The following KCNT2 variants were observed in gnomAD, a reference collection of about 807,000 sequenced individuals.
The protein encoded by KCNT2 is potassium channel subfamily T member 2.
Under a neutral mutation model 153.8 loss-of-function variants are expected in KCNT2, and 67 were observed. That is an observed-to-expected ratio of 0.44 (90% CI 0.36 to 0.53). The LOEUF is 0.53. Among genes scored for constraint, KCNT2 ranks in the 20% least tolerant of loss-of-function variants. The pLI is 0.00. For missense variants in KCNT2, 975 were observed against 1,354.8 expected, an observed-to-expected ratio of 0.72 and a Z score of 4.40; for synonymous variants, 500 against 458.8, an observed-to-expected ratio of 1.09 and a Z score of -1.15.
chr1:196,435,135 G>GTGTATATATATATA (rs747899287), intron 8 of KCNT2, among the ~76,000 whole-genome samples: 2 of 76,864 alleles, frequency 2.6e-5, no homozygotes, highest in Non-Finnish European at 5.2e-5. Context: ...GTGTGTGTGT[G>GTGTATATATATATA]TATGTATATA....
chr1:196,380,839 A>G lies in KCNT2; in HGVS notation c.1295-7591T>C, dbSNP rs529441974. On this transcript the variant is annotated intron_variant, in intron 13 of 27. Coordinates refer to ENST00000294725, the MANE Select transcript of KCNT2 (RefSeq NM_198503.5). ...ATATGAGAATAGATAATGTCTTGCA[A>G]TCAAGTGAGTTTTATTTTGATCCTG... 1.3e-3 allele frequency among the ~76,000 whole-genome samples: 203 copies of G among 152,330 alleles called. 1 individual carries two copies. The highest frequency in any genetic ancestry group is 4.5e-3 in the African/African-American group (188 of 41,582).
At chr1:196,554,044 T>A (rs1658313876) in intron 1 of KCNT2, among the ~76,000 whole-genome samples, 1 of 150,990 alleles carries the variant, frequency 6.6e-6, no homozygotes, top group Non-Finnish European at 1.5e-5. Context: ...TATTTATAAA[T>A]GCAATGAATG....
chr1:196,259,515 C>T (rs192137523), intron 25 of KCNT2: 7 of 152,154 alleles, frequency 4.6e-5, no homozygotes, highest in African/African-American at 1.4e-4. Context: ...TTCCCTTCTA[C>T]GGATGGAATC....
chr1:196,493,712 T>C (rs1680034208), intron 1 of KCNT2, among the ~76,000 whole-genome samples: 1 of 152,194 alleles, frequency 6.6e-6, no homozygotes, highest in African/African-American at 2.4e-5. Context: ...CCAGGCCCCA[T>C]TGTGTGATGT....
chr1:196,259,974 G>A (rs918651208), intron 25 of KCNT2, among the ~76,000 whole-genome samples: 3 of 151,714 alleles, frequency 2.0e-5, no homozygotes, highest in African/African-American at 7.3e-5. Context: ...TTCTGTGGAA[G>A]TAAAACACAT....
intron 26 of KCNT2, among the ~76,000 whole-genome samples, chr1:196,246,560 T>C (rs901372722): frequency 1.3e-5 from 2 of 152,090 alleles, no homozygotes; most frequent in Admixed American, 1.3e-4. Flanking sequence ...GCTACAATTT[T>C]TCCAGTTTTC....
chr1:196,309,827 C>T (rs553511179), intron 21 of KCNT2, among the ~76,000 whole-genome samples: 6 of 151,678 alleles, frequency 4.0e-5, no homozygotes, highest in Non-Finnish European at 8.9e-5. Context: ...TGAAATAATA[C>T]GTCTCTTTTC....
rs151095509 is a variant in KCNT2 at position 196,394,047 on chromosome 1, C to T, written c.1294+4516G>A. On this transcript the variant is annotated intron_variant, in intron 13 of 27. Transcript: ENST00000294725. Reference sequence around the variant, plus strand: ...AAATGATTTGACATAACCAAAGCCACGCTAACATCTGAATTTTGAACCATA... The same window carrying T: ...AAATGATTTGACATAACCAAAGCCATGCTAACATCTGAATTTTGAACCATA... Among the ~76,000 whole-genome samples, 422 of 151,516 alleles carry T rather than the reference C, an allele frequency of 2.8e-3. 1 individual carries two copies. Among genetic ancestry groups the T allele is most frequent in the African/African-American group, 9.7e-3 (402 of 41,404 alleles).
chr1:196,382,311 G>C (rs2148373982), intron 13 of KCNT2, among the ~76,000 whole-genome samples: 1 of 151,564 alleles, frequency 6.6e-6, no homozygotes, highest in South Asian at 2.1e-4. Flanking sequence ...GTTTCACTGT[G>C]TTAGCCAGGA....
chr1:196,261,952 C>G (rs1657067523), intron 25 of KCNT2, among the ~76,000 whole-genome samples: 1 of 151,748 alleles, frequency 6.6e-6, no homozygotes, highest in Non-Finnish European at 1.5e-5. Context: ...AAATTGATGA[C>G]TACTCCAACA....
chr1:196,509,965 C>T (rs1242661277), intron 1 of KCNT2, among the ~76,000 whole-genome samples: 4 of 151,976 alleles, frequency 2.6e-5, no homozygotes, highest in African/African-American at 9.7e-5. Context: ...ATGTTTAGCG[C>T]TAGTAGGAAT....
At chr1:196,476,861 A>T (rs1678578234) in intron 5 of KCNT2, among the ~76,000 whole-genome samples, 1 of 152,120 alleles carries the variant, frequency 6.6e-6, no homozygotes, top group African/African-American at 2.4e-5. Context: ...GTCAAACAAC[A>T]TTCTCCATTT....
At chr1:196,314,724 A>T (rs1041596843) in intron 21 of KCNT2, among the ~76,000 whole-genome samples, 1 of 151,684 alleles carries the variant, frequency 6.6e-6, no homozygotes, top group African/African-American at 2.4e-5. Context: ...AAAGTTAGTG[A>T]CTGTCAGCTG....
chr1:196,312,596 A>T (rs988771186), intron 21 of KCNT2, among the ~76,000 whole-genome samples: 11 of 151,684 alleles, frequency 7.3e-5, no homozygotes, highest in Admixed American at 2.0e-4. Flanking sequence ...TGCAGCAGGC[A>T]TTCTATTTCA....
chr1:196,454,098 G>C (rs1384196887), intron 8 of KCNT2, among the ~76,000 whole-genome samples: 1 of 151,800 alleles, frequency 6.6e-6, no homozygotes, highest in African/African-American at 2.4e-5. Context: ...AGAGAAGTGG[G>C]TATAGGATTC....
intron 14 of KCNT2, among the ~76,000 whole-genome samples, chr1:196,364,425 A>G (rs1375912077): frequency 6.6e-6 from 1 of 152,136 alleles, no homozygotes; most frequent in African/African-American, 2.4e-5. Context: ...CAACCATATG[A>G]AATTACAGAA....
intron 8 of KCNT2, among the ~76,000 whole-genome samples, chr1:196,461,924 G>T (rs1008043812): frequency 6.6e-6 from 1 of 151,640 alleles, no homozygotes; most frequent in East Asian, 1.9e-4. Flanking sequence ...AAAAAACCAT[G>T]TAACAGCTTT....
chr1:196,468,175 C>A (rs778013400), intron 6 of KCNT2, among the ~76,000 whole-genome samples: 1 of 151,998 alleles, frequency 6.6e-6, no homozygotes, highest in Non-Finnish European at 1.5e-5. Flanking sequence ...GCCTCTTACT[C>A]TCTTTATGTT....
chr1:196,484,941 T>C (rs1679305862), intron 3 of KCNT2, among the ~76,000 whole-genome samples: 1 of 152,032 alleles, frequency 6.6e-6, no homozygotes, highest in African/African-American at 2.4e-5. Context: ...GCAATCCCAT[T>C]ACTGGGTATA....
Sources: gnomAD v4.1 joint callset for allele counts (sites outside exome capture counted in the v4.1 genomes callset) on GRCh38, gnomAD v4.1.1 for gene constraint, MANE v1.5 for transcripts, NCBI Gene and HGNC (gene_info 2026-07-23, HGNC 2026-07-21) for gene names.